Variants in SRRM2 observed in about 807,000 individuals in gnomAD.
SRRM2 encodes the protein serine/arginine repetitive matrix protein 2.
In SRRM2, 30 loss-of-function variants were observed where a neutral mutation model predicts 213.8. The ratio of observed to expected loss-of-function variants is 0.14; its 90% CI spans 0.10 to 0.19. SRRM2 has a LOEUF of 0.19. SRRM2 is among the 10% of genes least tolerant of loss of function. The probability of loss-of-function intolerance (pLI) is 1.00; values close to 1 mark genes in which losing one functional copy is unlikely to be tolerated. For synonymous variants in SRRM2, 2,025 were observed against 1,377.7 expected, an observed-to-expected ratio of 1.47 and a Z score of -10.40; for missense variants, 4,904 against 3,647.0, an observed-to-expected ratio of 1.34 and a Z score of -8.88.
chr16:2,767,077 T>C lies in SRRM2; in HGVS notation c.6549T>C (p.Leu2183=), dbSNP rs1188893297. ...PENHAQSRIA[L]ALTAISLGTA... ...ATCATGCTCAGTCCAGGATTGCACT[T>C]GCCCTGACAGCTATCAGTCTTGGCA... The change falls in exon 11 of 15, where the codon CTT becomes CTC. Residue 2183 remains leucine, a synonymous_variant. Transcript: ENST00000301740. The C allele has an allele frequency of 6.2e-7, 1 of 1,614,056 alleles. No homozygotes were observed. Among genetic ancestry groups the C allele is most frequent in the Non-Finnish European group, 8.5e-7 (1 of 1,180,034 alleles).
chr16:2,759,066 T>C lies in SRRM2; in HGVS notation c.656+19T>C. ...AGCACAGGTATGAGGTGGGAATACT[T>C]GAATGACTGGAGAAGGTTTGCTGAA... On this transcript the variant is annotated intron_variant, in intron 6 of 14. Transcript: ENST00000301740. 1.9e-6 allele frequency: 3 copies of C among 1,614,168 alleles called. No individual in the cohort carries two copies. The highest frequency in any genetic ancestry group is 2.5e-6 in the Non-Finnish European group (3 of 1,180,020).
Position 2,759,188 on chromosome 16 carries a change from C to T in SRRM2, c.689+16C>T, listed in dbSNP as rs371448888. On this transcript the variant is annotated intron_variant, in intron 7 of 14. Transcript: ENST00000301740. Reference sequence around the variant, plus strand: ...GTAAGCATAGGTAAGAGCTCTTTAACTCATAGGGGGCGCAGTGGCATGTGG... The same window carrying T: ...GTAAGCATAGGTAAGAGCTCTTTAATTCATAGGGGGCGCAGTGGCATGTGG... The T allele has an allele frequency of 1.9e-5, 30 of 1,613,748 alleles. No individual in the cohort carries two copies. The African/African-American group carries it at 2.0e-4, about 11-fold the overall frequency.
rs1185526868 is a variant in SRRM2, at chr16:2,762,822, C to A, written c.2294C>A (p.Pro765Gln). ...AGGCGGAGCAGGTCTCTCTCTTCAC[C>A]ACGGTCCAAAGCAAAATCTCGCTTG... is the stretch of plus-strand genomic sequence containing the variant. ...SSRRSRSLSS[P>Q]RSKAKSRLSL... Residue 765 changes from proline to glutamine, a missense_variant, in exon 11 of 15, where the codon CCA becomes CAA. Physicochemically the swap from Pro to Gln is moderately conservative, Grantham distance 76 (BLOSUM62 -1). Transcript: ENST00000301740. The A allele has an allele frequency of 8.7e-6, 14 of 1,614,140 alleles. No individual in the cohort carries two copies. Among genetic ancestry groups the A allele is most frequent in the East Asian group, 2.2e-5 (1 of 44,884 alleles).
chr16:2,768,325 G>C, intron 11 of SRRM2, 64 bp downstream of exon 11: 1 of 1,492,280 alleles, frequency 6.7e-7, no homozygotes, highest in Non-Finnish European at 8.9e-7. Context: ...TTGGGGAGTG[G>C]GGAGGGAGAA....
chr16:2,768,042 A>G lies in SRRM2; in HGVS notation c.7514A>G (p.Asp2505Gly), dbSNP rs1284662185. Residue 2505 changes from aspartate (D) to glycine (G), a missense_variant, in exon 11 of 15, where the codon GAT (aspartate) becomes GGT (glycine). Asp to Gly is a moderately conservative substitution (Grantham distance 94). Coordinates refer to ENST00000301740, the MANE Select transcript of SRRM2 (RefSeq NM_016333.4). ...SVPAPGVPHSDVGEPPASTGA... is the reference protein window; with the variant it reads ...SVPAPGVPHSGVGEPPASTGA... ...CCTGCCCCTGGGGTGCCCCACTCTGATGTGGGGGAGCCACCTGCCTCTACT... is the reference window on the plus strand; with the variant it reads ...CCTGCCCCTGGGGTGCCCCACTCTGGTGTGGGGGAGCCACCTGCCTCTACT... 1.2e-6 allele frequency: 2 copies of G among 1,614,024 alleles called. No individual in the cohort carries two copies. Among genetic ancestry groups the G allele is most frequent in the South Asian group, 2.2e-5 (2 of 91,076 alleles).
At position 2,767,381 on chromosome 16, in the gene SRRM2, G is replaced by T; in HGVS notation, c.6853G>T (p.Ala2285Ser). 1.2e-6 allele frequency: 2 copies of T among 1,613,784 alleles called. No homozygotes were observed. Among genetic ancestry groups the T allele is most frequent in the Non-Finnish European group, 1.7e-6 (2 of 1,180,026 alleles). ...TAVAPSAVNL[A>S]DPRTPTAPAV... ...GGTGGCACCTTCGGCTGTGAACCTGGCTGACCCTCGCACTCCCACAGCCCC... is the reference window on the plus strand; with the variant it reads ...GGTGGCACCTTCGGCTGTGAACCTGTCTGACCCTCGCACTCCCACAGCCCC... Residue 2285 changes from alanine (A) to serine (S), a missense_variant, in exon 11 of 15, where the codon GCT (alanine) becomes TCT (serine). Ala to Ser is a moderately conservative substitution (Grantham distance 99). Transcript: ENST00000301740.
intron 5 of SRRM2, 174 bp from the exon 6 acceptor site, chr16:2,758,808 TAAG>T (rs1198415548): frequency 1.5e-5 from 11 of 737,592 alleles, no homozygotes; most frequent in Admixed American, 2.9e-5. Context: ...TTTGTTGACT[TAAG>T]GAGTTACTTG....
At chr16:2,768,371 T>C (rs1270016540) in intron 11 of SRRM2, 110 bp downstream of exon 11, 3 of 1,272,100 alleles carry the variant, frequency 2.4e-6, no homozygotes, top group East Asian at 2.4e-5. Flanking sequence ...GGAGGAGGTA[T>C]GGGGACCTTG....
In SRRM2 at chr16:2,767,030, C is replaced by A. The variant is rs923987759; in HGVS notation, c.6502C>A (p.Gln2168Lys). The A allele has an allele frequency of 6.2e-7, 1 of 1,614,210 alleles. No individual in the cohort carries two copies. Among genetic ancestry groups the A allele is most frequent in the African/African-American group, 1.3e-5 (1 of 75,052 alleles). The change falls in exon 11 of 15, where the codon CAG becomes AAG. Residue 2168 changes from glutamine (Q) to lysine (K), a missense_variant. Physicochemically the swap from Gln to Lys is moderately conservative, Grantham distance 53. Coordinates refer to ENST00000301740, the MANE Select transcript of SRRM2 (RefSeq NM_016333.4). The stretch of plus-strand genomic sequence containing the variant: ...TCCAGGTCCCCGAATACCTGACCAC[C>A]AGAGAACATCTGTGCCAGAAAATCA... ...DGPGPRIPDHQRTSVPENHAQ... is the reference protein window; with the variant it reads ...DGPGPRIPDHKRTSVPENHAQ...
At chr16:2,755,353 T>C (rs558490442) in intron 1 of SRRM2, among the ~76,000 whole-genome samples, 9 of 152,010 alleles carry the variant, frequency 5.9e-5, no homozygotes, top group African/African-American at 1.9e-4. Context: ...ATCCAGGGGA[T>C]TGGTGGGGAA....
chr16:2,754,986 C>T (rs1596257956), intron 1 of SRRM2, among the ~76,000 whole-genome samples: 1 of 152,220 alleles, frequency 6.6e-6, no homozygotes, highest in African/African-American at 2.4e-5. Flanking sequence ...GATGCTTCTT[C>T]ATTCTGGAAT....
intron 11 of SRRM2, chr16:2,768,645 C>G (rs2068626664): frequency 4.7e-6 from 3 of 642,076 alleles, no homozygotes; most frequent in Non-Finnish European, 8.6e-6. Context: ...GGCCCCTTCC[C>G]CAGCCAACCT....
intron 1 of SRRM2, among the ~76,000 whole-genome samples, chr16:2,754,873 C>T (rs1429988474): frequency 6.6e-6 from 1 of 152,044 alleles, no homozygotes; most frequent in Non-Finnish European, 1.5e-5. Context: ...CAGGTTTAGC[C>T]TCTTCTGTCA....
At chr16:2,759,700 G>A in intron 9 of SRRM2, 39 bp downstream of exon 9, 2 of 1,567,972 alleles carry the variant, frequency 1.3e-6, no homozygotes, top group Non-Finnish European at 1.8e-6. Flanking sequence ...GAGAGGGAAT[G>A]ATGGGTTAAT....
Position 2,765,046 on chromosome 16 carries a change from C to T in SRRM2, c.4518C>T (p.Asn1506=). 6.2e-7 allele frequency: 1 copy of T among 1,613,980 alleles called. No homozygotes were observed. The highest frequency in any genetic ancestry group is 8.5e-7 in the Non-Finnish European group (1 of 1,180,012). ...RSRSPSSPEL[N]NKCLTPQRER... is the part of the protein sequence containing the mutation. ...GTTCTCCATCATCCCCAGAGCTCAA[C>T]AACAAGTGTCTTACCCCCCAGAGAG... The change falls in exon 11 of 15, where the codon AAC becomes AAT. Residue 1506 remains asparagine (N), a synonymous_variant. Coordinates refer to ENST00000301740, the MANE Select transcript of SRRM2 (RefSeq NM_016333.4).
rs970545554 is a variant in SRRM2 at position 2,754,173 on chromosome 16, A to G, written c.-32+1327A>G. On this transcript the variant is annotated intron_variant, in intron 1 of 14. Transcript: ENST00000301740. ...ATCTTCCTACTTTCTGTGTCTTAAC[A>G]CACCCCTTAGATGCCGTGGGGTCGT... Among the ~76,000 whole-genome samples, 5 of 152,160 alleles carry G rather than the reference A, an allele frequency of 3.3e-5. 1 individual carries two copies. Among genetic ancestry groups the G allele is most frequent in the Admixed American group, 1.3e-4 (2 of 15,284 alleles).
Position 2,766,640 on chromosome 16 carries a change from C to A in SRRM2, c.6112C>A (p.Pro2038Thr), listed in dbSNP as rs754083305. 2 of 1,613,510 alleles carry A rather than the reference C, an allele frequency of 1.2e-6. No homozygotes were observed. The highest frequency in any genetic ancestry group is 1.1e-5 in the South Asian group (1 of 91,046). The change falls in exon 11 of 15, where the codon CCA becomes ACA. Residue 2038 changes from proline to threonine, a missense_variant. Transcript: ENST00000301740. This position sits in a 1 kb window ranked among gnomAD's most constrained non-coding sequence, Gnocchi z 7.0. ...RRSRSRTPLL[P>T]RKRSRSRSPL... ...CTCTAGATCTCGAACGCCACTGTTA[C>A]CACGCAAACGTTCTCGAAGTCGCTC... is the stretch of plus-strand genomic sequence containing the variant.
Position 2,766,443 on chromosome 16 carries a change from G to A in SRRM2, c.5915G>A (p.Ser1972Asn). ...CCAGTAACCAGGAGGCGATCTCGAAGCAGAACTTCGCCTATCACTCGCAGA... is the reference window on the plus strand; with the variant it reads ...CCAGTAACCAGGAGGCGATCTCGAAACAGAACTTCGCCTATCACTCGCAGA... Reference protein sequence around the residue: ...TPPVTRRRSRSRTSPITRRRS... With the variant: ...TPPVTRRRSRNRTSPITRRRS... Residue 1972 changes from serine to asparagine, a missense_variant, in exon 11 of 15, where the codon AGC becomes AAC. Physicochemically the swap from Ser to Asn is conservative, Grantham distance 46. Coordinates refer to ENST00000301740, the MANE Select transcript of SRRM2 (RefSeq NM_016333.4). The surrounding 1 kb of genome is among the most constrained non-coding windows in gnomAD (Gnocchi z 7.0). 6.2e-7 allele frequency: 1 copy of A among 1,614,016 alleles called. No individual in the cohort carries two copies. Among genetic ancestry groups the A allele is most frequent in the Non-Finnish European group, 8.5e-7 (1 of 1,179,994 alleles).
In SRRM2 at chr16:2,762,179, A is replaced by G. The variant is rs1386134121; in HGVS notation, c.1651A>G (p.Arg551Gly). The change falls in exon 11 of 15, where the codon AGA becomes GGA. Residue 551 changes from arginine (R) to glycine (G), a missense_variant. By Grantham distance (125) the Arg-to-Gly change is moderately radical. Transcript: ENST00000301740. ...GWSRSRNTQRRGRSRSARRGR... is the reference protein window; with the variant it reads ...GWSRSRNTQRGGRSRSARRGR... ...GTCTAGGAGCAGAAATACCCAGAGA[A>G]GAGGCAGGTCTAGGTCAGCAAGGCG... 6.2e-7 allele frequency: 1 copy of G among 1,613,836 alleles called. No homozygotes were observed. Among genetic ancestry groups the G allele is most frequent in the African/African-American group, 1.3e-5 (1 of 74,842 alleles).
Sources: gnomAD v4.1 joint callset for allele counts (sites outside exome capture counted in the v4.1 genomes callset) on GRCh38, gnomAD v4.1.1 for gene constraint, Gnocchi (gnomAD v3.1) non-coding constraint, MANE v1.5 for transcripts, NCBI Gene and HGNC (gene_info 2026-07-23, HGNC 2026-07-21) for gene names.